The following DHX9 variants were observed in gnomAD, a reference collection of about 807,000 sequenced individuals.
DHX9 encodes DExH-box helicase 9.
A neutral mutation model predicts 148.7 loss-of-function variants in DHX9; 27 were observed. That is an observed-to-expected ratio of 0.18 (90% CI 0.13 to 0.25). The LOEUF (loss-of-function observed/expected upper bound fraction) is 0.25, where lower values mean the gene tolerates loss of function less well. Ranked by LOEUF, DHX9 falls within the 10% of genes least tolerant of loss-of-function variation. The probability of loss-of-function intolerance (pLI) is 1.00; values close to 1 mark genes in which losing one functional copy is unlikely to be tolerated. For missense variants in DHX9, 796 were observed against 1,559.6 expected (o/e 0.51, Z 8.25); for synonymous variants, 529 against 516.6 (o/e 1.02, Z -0.33).
At chr1:182,852,183 C>G (rs546347335) in intron 3 of DHX9, 50 bp from the exon 4 acceptor site, 1 of 1,214,482 alleles carries the variant, frequency 8.2e-7, no homozygotes, top group Non-Finnish European at 1.2e-6. Flanking sequence ...ATTTACTAGT[C>G]CCCGTGAAGG....
intron 14 of DHX9, among the ~76,000 whole-genome samples, chr1:182,868,808 T>C (rs1648417978): frequency 6.6e-6 from 1 of 152,208 alleles, no homozygotes; most frequent in African/African-American, 2.4e-5. Flanking sequence ...CTCTTACTTT[T>C]ATATCTGTTT....
Position 182,858,257 on chromosome 1 carries a change from A to G in DHX9, c.810+17A>G. On this transcript the variant is annotated intron_variant, in intron 8 of 27. Coordinates refer to ENST00000367549, the MANE Select transcript of DHX9 (RefSeq NM_001357.5). ...GGAGAGACAGTGAGTCTTTAGATTT[A>G]ATAGACTTGTGAGATAGTGTGAGAT... 1 of 1,610,042 alleles carries G rather than the reference A, an allele frequency of 6.2e-7. No individual in the cohort carries two copies. Among genetic ancestry groups the G allele is most frequent in the Admixed American group, 1.7e-5 (1 of 59,046 alleles).
Position 182,875,919 on chromosome 1 carries a change from T to C in DHX9, c.1816-131T>C, listed in dbSNP as rs938826579. The C allele has an allele frequency of 7.0e-6, 5 of 709,728 alleles. No homozygotes were observed. The African/African-American group carries it at 7.2e-5, about 10-fold the overall frequency. 44.0% of individuals were successfully genotyped at this position (709,728 alleles called of 1,614,324 possible). ...TGGAAATTAAATTTCTTCTGTATTCTATAGTGTGTGACTAGTCAACTAGAA... is the reference window on the plus strand; with the variant it reads ...TGGAAATTAAATTTCTTCTGTATTCCATAGTGTGTGACTAGTCAACTAGAA... On this transcript the variant is annotated intron_variant, in intron 16 of 27. Transcript: ENST00000367549.
At chr1:182,866,357 G>T in intron 12 of DHX9, 87 bp from the exon 13 acceptor site, 2 of 1,404,628 alleles carry the variant, frequency 1.4e-6, no homozygotes, top group African/African-American at 2.9e-5. Context: ...CAGTAGGACA[G>T]ATTTACTACA....
intron 10 of DHX9, 56 bp from the exon 11 acceptor site, chr1:182,858,984 A>G (rs1668306358): frequency 6.2e-7 from 1 of 1,611,180 alleles, no homozygotes; most frequent in South Asian, 1.1e-5. Flanking sequence ...AAATGGATTT[A>G]TTTTGAAGCT....
intron 14 of DHX9, among the ~76,000 whole-genome samples, chr1:182,870,429 C>G (rs571261685): frequency 6.6e-6 from 1 of 152,094 alleles, no homozygotes; most frequent in East Asian, 1.9e-4. Flanking sequence ...CTAAAATAAT[C>G]GAGACAGTGA....
At chr1:182,858,448 C>G (rs1457194928) in intron 8 of DHX9, 103 bp from the exon 9 acceptor site, 2 of 1,157,516 alleles carry the variant, frequency 1.7e-6, no homozygotes, top group Non-Finnish European at 2.5e-6. Flanking sequence ...AGGGAACTGA[C>G]TATTGGTTTA....
At chr1:182,875,939 C>T in intron 16 of DHX9, 111 bp from the exon 17 acceptor site, 1 of 817,572 alleles carries the variant, frequency 1.2e-6, no homozygotes, top group African/African-American at 1.7e-5. Flanking sequence ...GACTAGTCAA[C>T]TAGAATAAAT....
At chr1:182,862,850 A>G (rs1000574746) in intron 12 of DHX9, among the ~76,000 whole-genome samples, 2 of 152,182 alleles carry the variant, frequency 1.3e-5, no homozygotes. Flanking sequence ...TATGGTATAG[A>G]AAGTGTTAGT....
intron 4 of DHX9, 56 bp from the exon 5 acceptor site, chr1:182,853,250 A>G: frequency 8.2e-7 from 1 of 1,226,884 alleles, no homozygotes; most frequent in South Asian, 1.3e-5. Context: ...TCTTTAATGT[A>G]TTTAGGATTT....
intron 22 of DHX9, among the ~76,000 whole-genome samples, chr1:182,880,887 C>G (rs1649054580): frequency 6.6e-6 from 1 of 152,128 alleles, no homozygotes. Context: ...AATCCTAGCA[C>G]TTTGGGAGGC....
rs770469514 is a variant in DHX9, at chr1:182,853,333, G to A, written c.392G>A (p.Gly131Asp). The change falls in exon 5 of 28, where the codon GGC (glycine) becomes GAC (aspartate). Residue 131 changes from glycine (G) to aspartate (D), a missense_variant. Transcript: ENST00000367549. Reference sequence around the variant, plus strand: ...AATAATTCTGAGGTAGGGGCCTCTGGCTATGGTGTTCCTGGGCCCACCTGG... The same window carrying A: ...AATAATTCTGAGGTAGGGGCCTCTGACTATGGTGTTCCTGGGCCCACCTGG... ...AENNSEVGAS[G>D]YGVPGPTWDR... 8 of 1,613,476 alleles carry A rather than the reference G, an allele frequency of 5.0e-6. No individual in the cohort carries two copies. The South Asian group carries it at 6.6e-5, about 13-fold the overall frequency.
intron 6 of DHX9, among the ~76,000 whole-genome samples, chr1:182,855,168 T>A (rs1668231430): frequency 6.6e-6 from 1 of 152,234 alleles, no homozygotes; most frequent in African/African-American, 2.4e-5. Flanking sequence ...TCAGCCTTTT[T>A]AAAACCGTCA....
intron 12 of DHX9, 57 bp downstream of exon 12, chr1:182,860,241 T>C: frequency 7.5e-7 from 1 of 1,324,866 alleles, no homozygotes; most frequent in East Asian, 2.6e-5. Context: ...TGATTCTTTC[T>C]TTGATTAACT....
rs191883464 is a variant in DHX9, at chr1:182,876,118, C to T, written c.1884C>T (p.Asn628=). 9.3e-6 allele frequency: 15 copies of T among 1,613,900 alleles called. No homozygotes were observed. Among genetic ancestry groups the T allele is most frequent in the Middle Eastern group, 1.6e-4 (1 of 6,062 alleles). Residue 628 remains asparagine (N), a synonymous_variant, in exon 17 of 28, where the codon AAC becomes AAT. Coordinates refer to ENST00000367549, the MANE Select transcript of DHX9 (RefSeq NM_001357.5). ...CAAGGTTGAGCATGTCTCAATTGAA[C>T]GAAAAGGAAACTCCTTTTGAACTCA... ...PETRLSMSQL[N]EKETPFELIE... is the part of the protein sequence containing the mutation.
rs1649184490 is a variant in DHX9 at position 182,883,626 on chromosome 1, T to C, written c.3251T>C (p.Val1084Ala). 2.5e-6 allele frequency: 4 copies of C among 1,611,942 alleles called. No individual in the cohort carries two copies. The highest frequency in any genetic ancestry group is 1.3e-5 in the African/African-American group (1 of 74,890). The change falls in exon 26 of 28, where the codon GTA becomes GCA. Residue 1084 changes from valine (V) to alanine (A), a missense_variant. Physicochemically the swap from Val to Ala is moderately conservative, Grantham distance 64. Coordinates refer to ENST00000367549, the MANE Select transcript of DHX9 (RefSeq NM_001357.5). The part of the protein sequence containing the change: ...KVQSDGQIVL[V>A]DDWIKLQISH... Reference sequence around the variant, plus strand: ...CAATCTGATGGGCAGATTGTGCTTGTAGATGACTGGTATGGATTTTCAGAT... The same window carrying C: ...CAATCTGATGGGCAGATTGTGCTTGCAGATGACTGGTATGGATTTTCAGAT...
At chr1:182,875,153 G>C (rs1176639446) in intron 16 of DHX9, 199 bp downstream of exon 16, 1 of 608,852 alleles carries the variant, frequency 1.6e-6, no homozygotes, top group East Asian at 3.4e-5. Flanking sequence ...TCTATCACAA[G>C]TTAAATTATC....
chr1:182,860,150 A>T lies in DHX9; in HGVS notation c.1298A>T (p.Asp433Val). 6.2e-7 allele frequency: 1 copy of T among 1,612,624 alleles called. No homozygotes were observed. The highest frequency in any genetic ancestry group is 8.5e-7 in the Non-Finnish European group (1 of 1,179,436). The change falls in exon 12 of 28, where the codon GAC becomes GTC. Residue 433 changes from aspartate to valine, a missense_variant. By Grantham distance (152) the Asp-to-Val change is radical (BLOSUM62 -3). Coordinates refer to ENST00000367549, the MANE Select transcript of DHX9 (RefSeq NM_001357.5). ...ATTCTAGATGACTTTATCCAGAATG[A>T]CCGAGCAGCAGAGTGTAACATCGTA... ...QFILDDFIQN[D>V]RAAECNIVVT...
chr1:182,881,502 C>T lies in DHX9; in HGVS notation c.2787-18C>T, dbSNP rs1473101316. ...TCTCTGGTCTTAGAGAATGATTTCT[C>T]ATGCCAATTTATTTTAGAATGGGTG... On this transcript the variant is annotated intron_variant, in intron 23 of 27. Coordinates refer to ENST00000367549, the MANE Select transcript of DHX9 (RefSeq NM_001357.5). 5 of 1,607,330 alleles carry T rather than the reference C, an allele frequency of 3.1e-6. No individual in the cohort carries two copies. The highest frequency in any genetic ancestry group is 3.4e-5 in the Admixed American group (2 of 58,442).
Sources: gnomAD v4.1 joint callset for allele counts (sites outside exome capture counted in the v4.1 genomes callset) on GRCh38, gnomAD v4.1.1 for gene constraint, MANE v1.5 for transcripts, NCBI Gene and HGNC (gene_info 2026-07-23, HGNC 2026-07-21) for gene names.